BRF1: variants seen among roughly 807,000 people sequenced by gnomAD.
The protein encoded by BRF1 is BRF1 general transcription factor IIIB subunit.
In BRF1, 59 loss-of-function variants were observed where a neutral mutation model predicts 81.7. The observed-to-expected ratio is 0.72, with a 90% CI of 0.59 to 0.90. BRF1 has a LOEUF of 0.90. BRF1 is among the 40% of genes least tolerant of loss of function. The pLI, the probability that BRF1 is intolerant of heterozygous loss-of-function variation, is 0.00. For synonymous variants in BRF1, 491 were observed against 395.6 expected (o/e 1.24, Z -2.86); for missense variants, 1,050 against 936.3 (o/e 1.12, Z -1.58).
chr14:105,279,783 C>T (rs923896406), intron 2 of BRF1, among the ~76,000 whole-genome samples: 3 of 152,170 alleles, frequency 2.0e-5, no homozygotes, highest in Non-Finnish European at 4.4e-5. Flanking sequence ...CTGTGCACAG[C>T]CAAGAATGGA....
At chr14:105,265,061 TTTTG>T (rs1176914908) in intron 3 of BRF1, among the ~76,000 whole-genome samples, 7 of 144,084 alleles carry the variant, frequency 4.9e-5, no homozygotes, top group Non-Finnish European at 7.5e-5. Flanking sequence ...TTTGTTTTTT[TTTTG>T]TTTGTTTGTT....
At chr14:105,306,803 A>G (rs1427734327) in intron 1 of BRF1, among the ~76,000 whole-genome samples, 2 of 152,024 alleles carry the variant, frequency 1.3e-5, no homozygotes, top group African/African-American at 4.8e-5. Flanking sequence ...TCAGGGTTCC[A>G]TCATGTTGGC....
intron 1 of BRF1, among the ~76,000 whole-genome samples, chr14:105,310,956 AT>A (rs1566887591): frequency 6.6e-6 from 1 of 152,074 alleles, no homozygotes; most frequent in Non-Finnish European, 1.5e-5. Context: ...TTTCACATAC[AT>A]TTTTGTTTTC....
chr14:105,211,711 T>G, intron 16 of BRF1: 1 of 344,082 alleles, frequency 2.9e-6, no homozygotes. Flanking sequence ...GCCAGCACCT[T>G]CACCCTCGTT....
intron 5 of BRF1, chr14:105,247,605 T>G: frequency 2.0e-6 from 2 of 985,196 alleles, no homozygotes; most frequent in Non-Finnish European, 2.4e-6. Flanking sequence ...ACAGAGCTCC[T>G]GTTCACTGTT....
intron 2 of BRF1, 61 bp downstream of exon 2, chr14:105,286,235 C>T (rs1335480499): frequency 2.6e-6 from 4 of 1,531,740 alleles, no homozygotes; most frequent in South Asian, 1.2e-5. Flanking sequence ...TCCACCCTAG[C>T]ACCACCATCC....
At chr14:105,275,979 G>T in intron 2 of BRF1, among the ~76,000 whole-genome samples, 1 of 131,122 alleles carries the variant, frequency 7.6e-6, no homozygotes, top group African/African-American at 3.1e-5. Context: ...GCTGAGAGGG[G>T]GCCCTCACTA....
intron 1 of BRF1, among the ~76,000 whole-genome samples, chr14:105,312,345 C>T (rs2058370781): frequency 6.6e-6 from 1 of 152,200 alleles, no homozygotes. Flanking sequence ...ATAATAATAA[C>T]TCCCACAACC....
intron 6 of BRF1, among the ~76,000 whole-genome samples, chr14:105,229,446 T>C (rs1470012419): frequency 6.6e-6 from 1 of 152,200 alleles, no homozygotes; most frequent in South Asian, 2.1e-4. Flanking sequence ...TAGAGTGGAC[T>C]CTGTGGGCAC....
chr14:105,267,141 C>T (rs1219394218), intron 3 of BRF1, among the ~76,000 whole-genome samples: 1 of 152,138 alleles, frequency 6.6e-6, no homozygotes, highest in Non-Finnish European at 1.5e-5. Flanking sequence ...ACAGTAAGAT[C>T]GACAATTGAA....
At chr14:105,229,467 G>A (rs957294585) in intron 6 of BRF1, among the ~76,000 whole-genome samples, 4 of 152,220 alleles carry the variant, frequency 2.6e-5, no homozygotes, top group Admixed American at 6.5e-5. Context: ...GAGGGTAAGG[G>A]CCCGGATGAG....
chr14:105,315,012 G>C lies in BRF1; in HGVS notation c.-162+310C>G. The C allele has an allele frequency of 1.6e-6, 2 of 1,246,022 alleles. No individual in the cohort carries two copies. 77.2% of individuals were successfully genotyped at this position (1,246,022 alleles called of 1,614,324 possible). ...CCTGTTCGCCACCTGGGAGGTGGAC[G>C]GCTCCAGCCCCAGCTGCGTGCCCAG... On this transcript the variant is annotated intron_variant, in intron 1 of 17. Transcript: ENST00000327359. The surrounding 1 kb of genome is among the most constrained non-coding windows in gnomAD (Gnocchi z 4.4).
intron 15 of BRF1, among the ~76,000 whole-genome samples, chr14:105,215,360 A>G (rs1342060742): frequency 6.6e-6 from 1 of 151,964 alleles, no homozygotes; most frequent in Admixed American, 6.6e-5. Flanking sequence ...GCATGCACAG[A>G]GAGACACATA....
At chr14:105,289,729 G>A (rs985541755) in intron 1 of BRF1, among the ~76,000 whole-genome samples, 1 of 152,102 alleles carries the variant, frequency 6.6e-6, no homozygotes, top group African/African-American at 2.4e-5. Flanking sequence ...TCCGCCTCCC[G>A]GATTCAAGCA....
At chr14:105,246,213 C>G (rs921557567) in intron 5 of BRF1, among the ~76,000 whole-genome samples, 1 of 144,092 alleles carries the variant, frequency 6.9e-6, no homozygotes, top group East Asian at 2.0e-4. Context: ...GAGTAAGACT[C>G]TGTCTCAAAA....
chr14:105,312,367 C>T (rs1228525522), intron 1 of BRF1, among the ~76,000 whole-genome samples: 1 of 152,240 alleles, frequency 6.6e-6, no homozygotes, highest in Non-Finnish European at 1.5e-5. Flanking sequence ...CCGGGGACCC[C>T]GGGCAGCACG....
intron 5 of BRF1, among the ~76,000 whole-genome samples, chr14:105,251,892 C>G (rs1408188089): frequency 6.6e-6 from 1 of 151,978 alleles, no homozygotes; most frequent in African/African-American, 2.4e-5. Flanking sequence ...GAGGGAGAGA[C>G]AGGACTTACC....
intron 1 of BRF1, among the ~76,000 whole-genome samples, chr14:105,286,743 C>T (rs587717266): frequency 3.3e-5 from 5 of 152,324 alleles, no homozygotes; most frequent in African/African-American, 1.2e-4. Flanking sequence ...GTAGCTGGGA[C>T]TATAGGTGCC....
chr14:105,215,178 T>A (rs587709313), intron 15 of BRF1, among the ~76,000 whole-genome samples: 2 of 152,244 alleles, frequency 1.3e-5, no homozygotes, highest in East Asian at 3.9e-4. Flanking sequence ...GACTCACAGA[T>A]GCACACACAC....
Sources: allele counts gnomAD v4.1 joint callset (sites outside exome capture counted in the v4.1 genomes callset), GRCh38; gene constraint gnomAD v4.1.1; non-coding constraint Gnocchi (gnomAD v3.1); transcripts MANE v1.5; gene names NCBI Gene and HGNC (gene_info 2026-07-23, HGNC 2026-07-21).